The following TARBP1 variants were observed in gnomAD, a reference collection of about 807,000 sequenced individuals.
TARBP1 encodes tRNA (guanosine(18)-2'-O)-methyltransferase TARBP1.
TARBP1 carries 144 observed loss-of-function variants against 178.6 expected under a neutral mutation model. That is an observed-to-expected ratio of 0.81 (90% CI 0.70 to 0.93). The LOEUF (loss-of-function observed/expected upper bound fraction) is 0.93. TARBP1 is among the 40% of genes least tolerant of loss of function. The probability of loss-of-function intolerance (pLI) is 0.00; values close to 1 mark genes in which losing one functional copy is unlikely to be tolerated. For missense variants in TARBP1, 2,067 were observed against 2,011.7 expected (o/e 1.03, Z -0.53); for synonymous variants, 787 against 781.0 (o/e 1.01, Z -0.13).
chr1:234,392,532 A>C lies in TARBP1; in HGVS notation c.4581T>G (p.Ile1527Met). The C allele has an allele frequency of 6.2e-7, 1 of 1,614,042 alleles. No homozygotes were observed. Among genetic ancestry groups the C allele is most frequent in the African/African-American group, 1.3e-5 (1 of 75,042 alleles). Residue 1527 changes from isoleucine to methionine, a missense_variant, in exon 29 of 30, where the codon ATT (isoleucine) becomes ATG (methionine). Ile to Met is a conservative substitution (Grantham distance 10, BLOSUM62 1). Coordinates refer to ENST00000040877, the MANE Select transcript of TARBP1 (RefSeq NM_005646.4). ...PLVEVKPPQLIDYLQQKKTEG... is the reference protein window; with the variant it reads ...PLVEVKPPQLMDYLQQKKTEG... ...CTGTTTTCTTCTGCTGCAGATAATC[A>C]ATTAGCTGAGGTGGTTTTACCTGAA... is the stretch of plus-strand genomic sequence containing the variant.
At chr1:234,475,893 C>T (rs752156590) in intron 1 of TARBP1, among the ~76,000 whole-genome samples, 1 of 152,212 alleles carries the variant, frequency 6.6e-6, no homozygotes, top group Non-Finnish European at 1.5e-5. Context: ...GTAAAGTGCA[C>T]TGAAAACAAA....
intron 2 of TARBP1, 119 bp downstream of exon 2, chr1:234,472,595 G>C: frequency 1.6e-6 from 1 of 626,622 alleles, no homozygotes; most frequent in Non-Finnish European, 2.7e-6. Flanking sequence ...AAGTATACTT[G>C]GATTCTATCA....
chr1:234,455,849 G>GA (rs936093174), intron 9 of TARBP1, among the ~76,000 whole-genome samples: 26 of 147,186 alleles, frequency 1.8e-4, no homozygotes, highest in East Asian at 4.0e-4. Context: ...AAGTAAAAAA[G>GA]AAAAAAAAAC....
intron 14 of TARBP1, among the ~76,000 whole-genome samples, chr1:234,432,299 G>A (rs180938989): frequency 1.6e-4 from 24 of 150,504 alleles, no homozygotes; most frequent in Non-Finnish European, 2.4e-4. Flanking sequence ...AAAATTAGCC[G>A]GGCATGGTGG....
chr1:234,391,815 ATTTT>A (rs1659399008), intron 29 of TARBP1, 70 bp from the exon 30 acceptor site: 1 of 1,475,966 alleles, frequency 6.8e-7, no homozygotes, highest in African/African-American at 1.4e-5. Context: ...TATTCTTTTT[ATTTT>A]TTGTTTATTC....
At position 234,420,709 on chromosome 1, in the gene TARBP1, A is replaced by G. The variant is rs762700424; in HGVS notation, c.3548T>C (p.Leu1183Pro). The G allele has an allele frequency of 2.5e-6, 4 of 1,604,238 alleles. No individual in the cohort carries two copies. The highest frequency in any genetic ancestry group is 3.4e-6 in the Non-Finnish European group (4 of 1,173,594). The change falls in exon 21 of 30, where the codon CTT becomes CCT. Residue 1183 changes from leucine (L) to proline (P), a missense_variant. Physicochemically the swap from Leu to Pro is moderately conservative, Grantham distance 98. Transcript: ENST00000040877. Reference protein sequence around the residue: ...WQTLLVLFPRLDQNFLNGIID... With the variant: ...WQTLLVLFPRPDQNFLNGIID... ...ATAATAAAAATATGATACCTGGTCA[A>G]GTCTAGGGAAAAGTACCAGCAGAGT...
intron 6 of TARBP1, among the ~76,000 whole-genome samples, chr1:234,462,552 G>T (rs1483299360): frequency 6.6e-6 from 1 of 152,092 alleles, no homozygotes; most frequent in Non-Finnish European, 1.5e-5. Flanking sequence ...AGCTGGGCGT[G>T]GTGGCGCATG....
chr1:234,469,187 C>CA (rs1311630670), intron 3 of TARBP1, among the ~76,000 whole-genome samples: 3 of 147,880 alleles, frequency 2.0e-5, no homozygotes, highest in African/African-American at 7.5e-5. Context: ...GTGAGCAAAT[C>CA]AAAACCATGG....
At chr1:234,470,788 G>A (rs1485443010) in intron 3 of TARBP1, among the ~76,000 whole-genome samples, 1 of 151,954 alleles carries the variant, frequency 6.6e-6, no homozygotes, top group Non-Finnish European at 1.5e-5. Context: ...GCTAATTTTT[G>A]TATTTTTAGT....
intron 26 of TARBP1, 62 bp from the exon 27 acceptor site, chr1:234,393,899 T>C: frequency 1.7e-6 from 2 of 1,149,946 alleles, no homozygotes; most frequent in South Asian, 1.8e-5. Flanking sequence ...TATATTTATG[T>C]ATACATGTAT....
At position 234,398,429 on chromosome 1, in the gene TARBP1, G is replaced by A; in HGVS notation, c.4196C>T (p.Thr1399Ile). The change falls in exon 26 of 30, where the codon ACT (threonine) becomes ATT (isoleucine). Residue 1399 changes from threonine (T) to isoleucine (I), a missense_variant. Thr to Ile is a moderately conservative substitution (Grantham distance 89). Transcript: ENST00000040877. ...ACCTGGTTTTAGTTTACTAAGTTGA[G>A]TTTGAGAAAGGTACCACTGAAATCC... ...AAGFQWYLSQ[T>I]QLSKLKPGDW... is the part of the protein sequence containing the mutation. 1 of 1,611,644 alleles carries A rather than the reference G, an allele frequency of 6.2e-7. No individual in the cohort carries two copies. Among genetic ancestry groups the A allele is most frequent in the South Asian group, 1.1e-5 (1 of 90,698 alleles).
chr1:234,435,684 G>GT (rs1415708904), intron 13 of TARBP1, among the ~76,000 whole-genome samples: 1 of 152,174 alleles, frequency 6.6e-6, no homozygotes, highest in East Asian at 1.9e-4. Flanking sequence ...TTCAGGTGTG[G>GT]TTGAGCATAT....
Position 234,410,475 on chromosome 1 carries a change from TA to T in TARBP1, c.3761del (p.Leu1254Ter). The T allele has an allele frequency of 6.6e-7, 1 of 1,520,062 alleles. No individual in the cohort carries two copies. Among genetic ancestry groups the T allele is most frequent in the Non-Finnish European group, 9.0e-7 (1 of 1,108,418 alleles). 94.2% of individuals were successfully genotyped at this position (1,520,062 alleles called of 1,614,324 possible). A position where few individuals can be genotyped will look rare whatever the true frequency, so the allele number is the denominator to read the frequency against. Reference sequence around the variant, plus strand: ...CTGGAATATTTTGAGTAATAATGTCTAAATGTGATAAAACTGCTAAAAACGT... The same window carrying T: ...CTGGAATATTTTGAGTAATAATGTCTAATGTGATAAAACTGCTAAAAACGT... ...ICTFLAVLSH[L>X]DIITQNIPEK... is the part of the protein sequence containing the mutation. On this transcript the variant is annotated frameshift_variant, in exon 23 of 30. Transcript: ENST00000040877. LOFTEE classifies it high-confidence loss of function.
At chr1:234,393,610 C>T in intron 27 of TARBP1, 36 bp downstream of exon 27, 2 of 1,592,248 alleles carry the variant, frequency 1.3e-6, no homozygotes, top group Non-Finnish European at 1.7e-6. Flanking sequence ...AGACCAAAAG[C>T]TTTCAGGCAA....
intron 3 of TARBP1, among the ~76,000 whole-genome samples, chr1:234,468,979 C>G (rs1220921934): frequency 6.7e-6 from 1 of 149,070 alleles, no homozygotes; most frequent in Non-Finnish European, 1.5e-5. Flanking sequence ...ACACAAAAGT[C>G]AGGTGAAAAA....
Position 234,467,655 on chromosome 1 carries a change from G to A in TARBP1, c.1100-5C>T, listed in dbSNP as rs1425239127. The A allele has an allele frequency of 3.8e-6, 6 of 1,565,558 alleles. No homozygotes were observed. Among genetic ancestry groups the A allele is most frequent in the African/African-American group, 1.4e-5 (1 of 72,492 alleles). The stretch of plus-strand genomic sequence containing the variant: ...ATGGGTGAAAGAGCCAACATCCTGT[G>A]GAAACAAACATCAAATGTTGACATC... On this transcript the variant is annotated splice_polypyrimidine_tract_variant and splice_region_variant and intron_variant, in intron 3 of 29. Coordinates refer to ENST00000040877, the MANE Select transcript of TARBP1 (RefSeq NM_005646.4).
At chr1:234,443,912 A>T (rs1665866905) in intron 12 of TARBP1, among the ~76,000 whole-genome samples, 1 of 152,184 alleles carries the variant, frequency 6.6e-6, no homozygotes, top group Non-Finnish European at 1.5e-5. Context: ...GAGGAGTCAA[A>T]CTCATAGAGA....
In TARBP1 at chr1:234,399,937, G is replaced by A. The variant is rs536933230; in HGVS notation, c.4071+1244C>T. Among the ~76,000 whole-genome samples, 65 of 151,778 alleles carry A rather than the reference G, an allele frequency of 4.3e-4. No individual in the cohort carries two copies. The East Asian group carries it at 9.1e-3, about 21-fold the overall frequency. On this transcript the variant is annotated intron_variant, in intron 25 of 29. Transcript: ENST00000040877. ...GCTTTAGGAGATATACCTAATGCTA[G>A]ATGACGAGTTGGTGGGTGCAGCACA...
intron 6 of TARBP1, among the ~76,000 whole-genome samples, chr1:234,462,278 C>A (rs183337917): frequency 6.6e-6 from 1 of 152,172 alleles, no homozygotes; most frequent in African/African-American, 2.4e-5. Context: ...AAGCCCTGAC[C>A]GACATCACTT....
Sources: allele counts gnomAD v4.1 joint callset (sites outside exome capture counted in the v4.1 genomes callset), GRCh38; gene constraint gnomAD v4.1.1; transcripts MANE v1.5; gene names NCBI Gene and HGNC (gene_info 2026-07-23, HGNC 2026-07-21).